Variants in CDC73 observed in about 807,000 individuals in gnomAD.
CDC73 encodes the protein parafibromin.
A neutral mutation model predicts 83.7 loss-of-function variants in CDC73; 21 were observed. The observed-to-expected ratio is 0.25, with a 90% CI of 0.18 to 0.36. The LOEUF (loss-of-function observed/expected upper bound fraction) is 0.36, where lower values mean the gene tolerates loss of function less well. Among genes scored for constraint, CDC73 ranks in the 10% least tolerant of loss-of-function variants. The pLI, the probability that CDC73 is intolerant of heterozygous loss-of-function variation, is 1.00. For synonymous variants in CDC73, 224 were observed against 212.9 expected (o/e 1.05, Z -0.45); for missense variants, 342 against 653.3 (o/e 0.52, Z 5.19).
At chr1:193,174,363 T>C (rs1203020971) in intron 10 of CDC73, among the ~76,000 whole-genome samples, 2 of 152,186 alleles carry the variant, frequency 1.3e-5, no homozygotes, top group Non-Finnish European at 2.9e-5. Flanking sequence ...ATAATCTTTC[T>C]TTAAATATAT....
chr1:193,147,854 A>G lies in CDC73; in HGVS notation c.730-13A>G. On this transcript the variant is annotated splice_polypyrimidine_tract_variant and intron_variant, in intron 7 of 16. Coordinates refer to ENST00000367435, the MANE Select transcript of CDC73 (RefSeq NM_024529.5). Reference sequence around the variant, plus strand: ...TTTAAAGTGGGCTTAATTAAAATCCATTTATATTTTAGAATTTTTCCAAGA... The same window carrying G: ...TTTAAAGTGGGCTTAATTAAAATCCGTTTATATTTTAGAATTTTTCCAAGA... 1 of 1,452,340 alleles carries G rather than the reference A, an allele frequency of 6.9e-7. No homozygotes were observed. Among genetic ancestry groups the G allele is most frequent in the African/African-American group, 1.4e-5 (1 of 71,206 alleles). 90.0% of individuals were successfully genotyped at this position (1,452,340 alleles called of 1,614,324 possible).
intron 14 of CDC73, 32 bp downstream of exon 14, chr1:193,233,186 C>T (rs1677691358): frequency 5.1e-6 from 8 of 1,574,938 alleles, no homozygotes; most frequent in East Asian, 2.2e-5. Context: ...TATCTTTTCA[C>T]AGGTGTTGAA....
chr1:193,192,805 C>T (rs745790987), intron 10 of CDC73, among the ~76,000 whole-genome samples: 28 of 152,306 alleles, frequency 1.8e-4, no homozygotes, highest in African/African-American at 4.8e-4. Flanking sequence ...TGAGTCAACA[C>T]GTGTGTGGTT....
intron 10 of CDC73, among the ~76,000 whole-genome samples, chr1:193,170,658 T>C (rs1382026428): frequency 1.3e-5 from 2 of 152,226 alleles, no homozygotes; most frequent in African/African-American, 4.8e-5. Context: ...TTAAGTTCCA[T>C]ATAGATGCTG....
intron 10 of CDC73, among the ~76,000 whole-genome samples, chr1:193,160,622 A>G (rs1676291994): frequency 6.6e-6 from 1 of 152,080 alleles, no homozygotes; most frequent in Non-Finnish European, 1.5e-5. Context: ...AATTATTGTC[A>G]GTGTTAAACA....
chr1:193,226,132 A>G (rs1677563186), intron 13 of CDC73, among the ~76,000 whole-genome samples: 1 of 152,120 alleles, frequency 6.6e-6, no homozygotes, highest in Non-Finnish European at 1.5e-5. Flanking sequence ...TCATTCTCCT[A>G]CATGTGACTT....
In CDC73 at chr1:193,141,836, G is replaced by T; in HGVS notation, c.513-14G>T. 1.3e-6 allele frequency: 2 copies of T among 1,583,078 alleles called. No homozygotes were observed. The highest frequency in any genetic ancestry group is 1.7e-6 in the Non-Finnish European group (2 of 1,153,900). ...ATGCCTGCTGTGAAAATTTAAAAAA[G>T]AAATTGCTTTTAGGTCTTTGTCTGA... On this transcript the variant is annotated splice_polypyrimidine_tract_variant and intron_variant, in intron 6 of 16. Coordinates refer to ENST00000367435, the MANE Select transcript of CDC73 (RefSeq NM_024529.5).
At chr1:193,221,399 G>GA (rs1553289469) in intron 13 of CDC73, among the ~76,000 whole-genome samples, 2 of 150,252 alleles carry the variant, frequency 1.3e-5, no homozygotes, top group Non-Finnish European at 3.0e-5. Context: ...TTTGTTTTTT[G>GA]TTTTTTTTGG....
chr1:193,140,221 ATTGC>A lies in CDC73; in HGVS notation c.513-1625_513-1622del, dbSNP rs918864264. The stretch of plus-strand genomic sequence containing the variant: ...ATTTGTTAGGGAATTACTGTCCTTC[ATTGC>A]TTGATATCTAGCATCTAGTAAACCA... On this transcript the variant is annotated intron_variant, in intron 6 of 16. Coordinates refer to ENST00000367435, the MANE Select transcript of CDC73 (RefSeq NM_024529.5). Among the ~76,000 whole-genome samples, 6 of 152,214 alleles carry A rather than the reference ATTGC, an allele frequency of 3.9e-5. No individual in the cohort carries two copies. In the East Asian group the frequency reaches 1.2e-3, roughly 29 times the overall value.
chr1:193,152,808 C>T (rs1480320545), intron 10 of CDC73, among the ~76,000 whole-genome samples: 2 of 152,034 alleles, frequency 1.3e-5, no homozygotes, highest in Admixed American at 1.3e-4. Flanking sequence ...GAGACAGAGT[C>T]TCGCTCTGTC....
At chr1:193,135,868 CT>C (rs1038256301) in intron 5 of CDC73, among the ~76,000 whole-genome samples, 264 of 127,152 alleles carry the variant, frequency 2.1e-3, no homozygotes, top group East Asian at 0.012. Flanking sequence ...CCTTTCTGTT[CT>C]TTTTTTTTTT....
intron 13 of CDC73, among the ~76,000 whole-genome samples, chr1:193,230,639 A>T (rs1005202661): frequency 2.0e-5 from 3 of 152,028 alleles, no homozygotes; most frequent in Non-Finnish European, 2.9e-5. Flanking sequence ...TTCTGGAGGG[A>T]TGATGACTGT....
chr1:193,152,126 G>A lies in CDC73; in HGVS notation c.908-254G>A, dbSNP rs150292672. 2.4e-3 allele frequency among the ~76,000 whole-genome samples: 368 copies of A among 152,232 alleles called. 1 individual carries two copies. The highest frequency in any genetic ancestry group is 4.0e-3 in the Non-Finnish European group (275 of 68,014). Reference sequence around the variant, plus strand: ...TCAATCTTAATTTTTGAACATAATTGCAGAGATAGTCTTAACCAGCTTCTA... The same window carrying A: ...TCAATCTTAATTTTTGAACATAATTACAGAGATAGTCTTAACCAGCTTCTA... On this transcript the variant is annotated intron_variant, in intron 9 of 16. Transcript: ENST00000367435.
In CDC73 at chr1:193,254,749, G is replaced by A. The variant is rs965665104; in HGVS notation, c.*4037G>A. 6.6e-6 allele frequency among the ~76,000 whole-genome samples: 1 copy of A among 152,132 alleles called. No individual in the cohort carries two copies. The highest frequency in any genetic ancestry group is 1.5e-5 in the Non-Finnish European group (1 of 68,010). On this transcript the variant is annotated 3_prime_UTR_variant, in exon 17 of 17. Coordinates refer to ENST00000367435, the MANE Select transcript of CDC73 (RefSeq NM_024529.5). Reference sequence around the variant, plus strand: ...ATAAATATGTGCCATTTACTGAAAAGTGGGAAGCATTTTTATATGAGTAAA... The same window carrying A: ...ATAAATATGTGCCATTTACTGAAAAATGGGAAGCATTTTTATATGAGTAAA...
intron 13 of CDC73, among the ~76,000 whole-genome samples, chr1:193,213,303 T>A (rs1453498908): frequency 2.0e-5 from 3 of 152,174 alleles, no homozygotes; most frequent in African/African-American, 7.2e-5. Context: ...GAGCCATGTT[T>A]AAGTGATTTT....
chr1:193,185,566 A>G (rs1424489646), intron 10 of CDC73, among the ~76,000 whole-genome samples: 1 of 152,118 alleles, frequency 6.6e-6, no homozygotes, highest in East Asian at 1.9e-4. Flanking sequence ...GGACTTTGAA[A>G]AAAAAACTCT....
At chr1:193,230,802 A>G (rs967094284) in intron 13 of CDC73, among the ~76,000 whole-genome samples, 6 of 152,154 alleles carry the variant, frequency 3.9e-5, no homozygotes, top group Admixed American at 2.6e-4. Context: ...TGGAATACTA[A>G]TCTTTTTAGT....
intron 11 of CDC73, among the ~76,000 whole-genome samples, chr1:193,211,204 C>A (rs1413509967): frequency 1.3e-5 from 2 of 152,176 alleles, no homozygotes; most frequent in Non-Finnish European, 2.9e-5. Flanking sequence ...AGTACCAAAC[C>A]AGATTCGGTC....
intron 7 of CDC73, 75 bp downstream of exon 7, chr1:193,142,141 A>T (rs1675917895): frequency 1.6e-6 from 2 of 1,281,672 alleles, no homozygotes; most frequent in South Asian, 2.5e-5. Context: ...TGGTTATAGA[A>T]TTGGTTAAAC....
Sources: allele counts gnomAD v4.1 joint callset (sites outside exome capture counted in the v4.1 genomes callset), GRCh38; gene constraint gnomAD v4.1.1; transcripts MANE v1.5; gene names NCBI Gene and HGNC (gene_info 2026-07-23, HGNC 2026-07-21).